UBAP2: variants seen among roughly 807,000 people sequenced by gnomAD.
The protein encoded by UBAP2 is ubiquitin associated protein 2.
A neutral mutation model predicts 139.6 loss-of-function variants in UBAP2; 75 were observed. The ratio of observed to expected loss-of-function variants is 0.54; its 90% confidence interval spans 0.45 to 0.65. UBAP2 has a LOEUF of 0.65. Among genes scored for constraint, UBAP2 ranks in the 30% least tolerant of loss-of-function variants. UBAP2 has a pLI of 0.00. For missense variants in UBAP2, 1,368 were observed against 1,369.6 expected (o/e 1.00, Z 0.02); for synonymous variants, 526 against 526.2 (o/e 1.00, Z 0.01).
chr9:33,970,437 ATT>A (rs796983789), intron 8 of UBAP2, among the ~76,000 whole-genome samples: 1 of 144,028 alleles, frequency 6.9e-6, no homozygotes, highest in Non-Finnish European at 1.5e-5. Flanking sequence ...TGTGTGCATT[ATT>A]TTTTTTTTTC....
chr9:33,992,804 T>C (rs560762966), intron 4 of UBAP2, among the ~76,000 whole-genome samples: 28 of 152,348 alleles, frequency 1.8e-4, no homozygotes, highest in Admixed American at 1.8e-3. Flanking sequence ...CAAGTAATTA[T>C]GGAGGATTTC....
chr9:34,001,547 A>G (rs552200972), intron 2 of UBAP2, among the ~76,000 whole-genome samples: 1 of 152,336 alleles, frequency 6.6e-6, no homozygotes, highest in East Asian at 1.9e-4. Context: ...CTGGCCTGCA[A>G]TATAATCCCT....
chr9:33,951,545 C>A (rs1454416251), intron 12 of UBAP2, among the ~76,000 whole-genome samples: 1 of 151,610 alleles, frequency 6.6e-6, no homozygotes, highest in Non-Finnish European at 1.5e-5. Flanking sequence ...TGGGGTTTTA[C>A]CACATTGGCC....
In UBAP2 at chr9:33,927,000, G is replaced by C. The variant is rs1823494438; in HGVS notation, c.2452C>G (p.Pro818Ala). Residue 818 changes from proline (P) to alanine (A), a missense_variant, in exon 21 of 29, where the codon CCT becomes GCT. By Grantham distance (27) the Pro-to-Ala change is conservative (BLOSUM62 -1). Coordinates refer to ENST00000379238, the MANE Select transcript of UBAP2 (RefSeq NM_001370062.2). ...CGCCATACACTCACCGGGTAGGCAG[G>C]AAGCAGTCCTCCGGGACCTACGAGG... is the stretch of plus-strand genomic sequence containing the variant. ...QYLVGPGGLL[P>A]AYPIYGYDEL... The C allele has an allele frequency of 6.2e-7, 1 of 1,613,970 alleles. No individual in the cohort carries two copies. The highest frequency in any genetic ancestry group is 8.5e-7 in the Non-Finnish European group (1 of 1,180,020).
At chr9:33,962,262 A>G (rs577735570) in intron 9 of UBAP2, among the ~76,000 whole-genome samples, 46 of 152,326 alleles carry the variant, frequency 3.0e-4, no homozygotes, top group African/African-American at 1.0e-3. Flanking sequence ...CTCAGCCACT[A>G]TATGTACAGT....
chr9:34,020,657 C>CT (rs1427545336), intron 1 of UBAP2, among the ~76,000 whole-genome samples: 1 of 83,132 alleles, frequency 1.2e-5, no homozygotes, highest in Non-Finnish European at 2.5e-5. Flanking sequence ...ACATGGAACT[C>CT]TGTTTCCTTT....
intron 19 of UBAP2, among the ~76,000 whole-genome samples, chr9:33,930,837 A>C (rs941506203): frequency 6.9e-6 from 1 of 144,286 alleles, no homozygotes; most frequent in African/African-American, 2.6e-5. Context: ...TGGAGGTTGC[A>C]GTGAGCTGAG....
At chr9:34,041,644 C>G (rs1392460963) in intron 1 of UBAP2, among the ~76,000 whole-genome samples, 1 of 152,074 alleles carries the variant, frequency 6.6e-6, no homozygotes, top group Non-Finnish European at 1.5e-5. Context: ...CTGCAGTGAG[C>G]TGAGAAGCCG....
intron 6 of UBAP2, 27 bp downstream of exon 6, chr9:33,986,733 A>T: frequency 6.2e-7 from 1 of 1,604,788 alleles, no homozygotes; most frequent in Non-Finnish European, 8.5e-7. Context: ...AATTGAAAGC[A>T]TTTTCTTCCC....
At chr9:33,988,935 A>G in intron 5 of UBAP2, 38 bp downstream of exon 5, 2 of 1,585,052 alleles carry the variant, frequency 1.3e-6, no homozygotes, top group African/African-American at 1.4e-5. Flanking sequence ...ACTTGAGATG[A>G]AAGAAGAGAA....
At position 34,017,205 on chromosome 9, in the gene UBAP2, G is replaced by T; in HGVS notation, c.-41-16C>A. ...AATAGAAAATCTGCAAGAAAGTAGG[G>T]ATGGTAAGCAAAACAATCATAGTAA... is the stretch of plus-strand genomic sequence containing the variant. On this transcript the variant is annotated splice_polypyrimidine_tract_variant and intron_variant, in intron 1 of 28. Transcript: ENST00000379238. The T allele has an allele frequency of 2.4e-6, 3 of 1,231,848 alleles. No individual in the cohort carries two copies. The highest frequency in any genetic ancestry group is 3.4e-6 in the Non-Finnish European group (3 of 887,910). The allele number at this position is 1,231,848 out of a possible 1,614,324, so 76.3% of individuals were successfully genotyped here. A position where few individuals can be genotyped will look rare whatever the true frequency, so the allele number is the denominator to read the frequency against.
chr9:34,022,036 G>A (rs1338687385), intron 1 of UBAP2, among the ~76,000 whole-genome samples: 1 of 152,138 alleles, frequency 6.6e-6, no homozygotes, highest in Non-Finnish European at 1.5e-5. Flanking sequence ...CCTGATGACA[G>A]GAGTTCAAGA....
chr9:34,037,730 A>T (rs1463992917), intron 1 of UBAP2, among the ~76,000 whole-genome samples: 1 of 152,142 alleles, frequency 6.6e-6, no homozygotes, highest in African/African-American at 2.4e-5. Context: ...ATCTGAGAAA[A>T]GGATTATCAT....
At chr9:33,951,310 G>GCCAT (rs1313165663) in intron 12 of UBAP2, among the ~76,000 whole-genome samples, 2 of 141,806 alleles carry the variant, frequency 1.4e-5, no homozygotes, top group African/African-American at 5.2e-5. Flanking sequence ...GAGCCACCAT[G>GCCAT]CCATGCCTGG....
At chr9:33,979,821 T>C (rs569292315) in intron 6 of UBAP2, among the ~76,000 whole-genome samples, 6 of 151,994 alleles carry the variant, frequency 3.9e-5, no homozygotes, top group Middle Eastern at 3.4e-3. Flanking sequence ...TGAGCCGAGA[T>C]TGCACCACTG....
intron 2 of UBAP2, among the ~76,000 whole-genome samples, chr9:34,001,507 A>AT (rs1822700223): frequency 6.6e-6 from 1 of 152,204 alleles, no homozygotes; most frequent in Admixed American, 6.6e-5. Flanking sequence ...GTAAAACTGG[A>AT]TTTAAGGTTA....
At chr9:33,995,968 C>A in intron 4 of UBAP2, 2 of 342,038 alleles carry the variant, frequency 5.8e-6, no homozygotes, top group Non-Finnish European at 1.1e-5. Flanking sequence ...TACACAGGCA[C>A]AGAGATTTTT....
rs368021223 is a variant in UBAP2, at chr9:33,962,680, A to ATAAATAATTAAT, written c.745+1045_745+1046insATTAATTATTTA. Among the ~76,000 whole-genome samples the ATAAATAATTAAT allele has an allele frequency of 4.9e-3, 714 of 145,602 alleles. 11 individuals carry two copies. The highest frequency in any genetic ancestry group is 0.027 in the East Asian group (131 of 4,832). ...AATAAATAAATAAATAAATAAATAA[A>ATAAATAATTAAT]TAATTAAAAAATAGGGCCTGGAGCA... is the stretch of plus-strand genomic sequence containing the variant. On this transcript the variant is annotated intron_variant, in intron 9 of 28. Coordinates refer to ENST00000379238, the MANE Select transcript of UBAP2 (RefSeq NM_001370062.2).
chr9:33,979,485 G>T (rs1170262514), intron 6 of UBAP2, among the ~76,000 whole-genome samples: 4 of 152,176 alleles, frequency 2.6e-5, no homozygotes, highest in African/African-American at 9.7e-5. Context: ...TGAGGCAGGA[G>T]AATTGCTTGA....
Sources: gnomAD v4.1 joint callset for allele counts (sites outside exome capture counted in the v4.1 genomes callset) on GRCh38, gnomAD v4.1.1 for gene constraint, MANE v1.5 for transcripts, NCBI Gene and HGNC (gene_info 2026-07-23, HGNC 2026-07-21) for gene names.